The following DIP2C variants were observed in gnomAD, a reference collection of about 807,000 sequenced individuals.
The protein encoded by DIP2C is disco-interacting protein 2 homolog C.
In DIP2C, 33 loss-of-function variants were observed where a neutral mutation model predicts 192.4. That is an observed-to-expected ratio of 0.17 (90% CI 0.13 to 0.23). The LOEUF is 0.23. Ranked by LOEUF, DIP2C falls within the 10% of genes least tolerant of loss-of-function variation. The pLI is 1.00. For synonymous variants in DIP2C, 979 were observed against 864.1 expected (o/e 1.13, Z -2.33); for missense variants, 1,537 against 2,110.1 (o/e 0.73, Z 5.32).
rs555353020 is a variant in DIP2C at position 496,187 on chromosome 10, G to A, written c.86-9657C>T. On this transcript the variant is annotated intron_variant, in intron 1 of 36. Transcript: ENST00000280886. Reference sequence around the variant, plus strand: ...CACAGAACCCACGGTGCCCTCCCATGTACTTAAATCTCTACATTACTCTTA... The same window carrying A: ...CACAGAACCCACGGTGCCCTCCCATATACTTAAATCTCTACATTACTCTTA... Among the ~76,000 whole-genome samples, 11 of 146,302 alleles carry A rather than the reference G, an allele frequency of 7.5e-5. No homozygotes were observed. The South Asian group carries it at 2.0e-3, about 26-fold the overall frequency.
At chr10:472,689 C>T in intron 2 of DIP2C, 140 bp from the exon 3 acceptor site, 1 of 721,768 alleles carries the variant, frequency 1.4e-6, no homozygotes, top group Non-Finnish European at 2.3e-6. Flanking sequence ...TCAGAGCCCA[C>T]AGACAGGAGG....
At chr10:612,556 A>G (rs1463218437) in intron 1 of DIP2C, among the ~76,000 whole-genome samples, 2 of 152,180 alleles carry the variant, frequency 1.3e-5, no homozygotes, top group Non-Finnish European at 2.9e-5. Flanking sequence ...ATTTCAAAAG[A>G]ACAGAGATGC....
chr10:584,336 G>A (rs1850856981), intron 1 of DIP2C, among the ~76,000 whole-genome samples: 1 of 152,062 alleles, frequency 6.6e-6, no homozygotes, highest in Non-Finnish European at 1.5e-5. Flanking sequence ...AAGCATCTGT[G>A]TTTTTAGGAA....
intron 1 of DIP2C, among the ~76,000 whole-genome samples, chr10:580,410 GGTGT>G (rs1213661032): frequency 4.6e-5 from 7 of 150,872 alleles, no homozygotes; most frequent in Admixed American, 2.0e-4. Flanking sequence ...ATACCCATAT[GGTGT>G]ATGTACACAG....
At chr10:384,737 G>A (rs182953743) in intron 14 of DIP2C, 98 bp from the exon 15 acceptor site, 25 of 1,251,194 alleles carry the variant, frequency 2.0e-5, no homozygotes, top group East Asian at 1.6e-4. Context: ...ACGGGCAGGG[G>A]GGAGCTCTCA....
intron 23 of DIP2C, 148 bp from the exon 24 acceptor site, chr10:356,654 A>G: frequency 1.6e-6 from 1 of 627,020 alleles, no homozygotes; most frequent in Non-Finnish European, 2.7e-6. Context: ...AGTTGAAGAC[A>G]TGCATGCTGG....
chr10:588,576 C>G (rs961956707), intron 1 of DIP2C, among the ~76,000 whole-genome samples: 1 of 152,342 alleles, frequency 6.6e-6, no homozygotes, highest in African/African-American at 2.4e-5. Flanking sequence ...AGGACAGTAA[C>G]AGAGGTCCCG....
intron 1 of DIP2C, among the ~76,000 whole-genome samples, chr10:532,660 TATGGGTGTGAGAG>T (rs1847460447): frequency 4.2e-5 from 4 of 94,906 alleles, no homozygotes; most frequent in East Asian, 5.3e-4. Context: ...TGAGAGAGAG[TATGGGTGTGAGAG>T]AGAGTATGGG....
At chr10:486,111 G>C (rs1267542421) in intron 2 of DIP2C, among the ~76,000 whole-genome samples, 2 of 152,166 alleles carry the variant, frequency 1.3e-5, no homozygotes, top group African/African-American at 4.8e-5. Context: ...AGAAGCCTTG[G>C]ATTAAACCAG....
At chr10:337,552 CTGTG>C (rs1237825374) in intron 29 of DIP2C, among the ~76,000 whole-genome samples, 1 of 98,502 alleles carries the variant, frequency 1.0e-5, no homozygotes, top group Non-Finnish European at 2.1e-5. Flanking sequence ...GCCTAGGAAG[CTGTG>C]TGTGTGCTGT....
intron 3 of DIP2C, among the ~76,000 whole-genome samples, chr10:463,658 A>C (rs1235718781): frequency 1.3e-5 from 2 of 152,190 alleles, no homozygotes; most frequent in African/African-American, 2.4e-5. Flanking sequence ...TTTCATATGG[A>C]ACCAAAAAAC....
intron 1 of DIP2C, among the ~76,000 whole-genome samples, chr10:583,431 G>A (rs181318584): frequency 6.6e-5 from 10 of 152,298 alleles, no homozygotes; most frequent in African/African-American, 1.4e-4. Flanking sequence ...GGTCCTTTAC[G>A]GAAGGTTCAC....
chr10:619,410 C>T lies in DIP2C; in HGVS notation c.85+70084G>A, dbSNP rs978729203. Among the ~76,000 whole-genome samples the T allele has an allele frequency of 3.5e-4, 53 of 152,160 alleles. 1 individual carries two copies. Among genetic ancestry groups the T allele is most frequent in the Admixed American group, 2.1e-3 (32 of 15,292 alleles). ...GCCTCCCTCAGCCTCTAGAGGCTTC[C>T]GCATCCCCTGGTCCTTATGGCACCC... On this transcript the variant is annotated intron_variant, in intron 1 of 36. Transcript: ENST00000280886.
At chr10:593,485 A>ACCCCCCCC (rs10563749) in intron 1 of DIP2C, among the ~76,000 whole-genome samples, 112 of 64,206 alleles carry the variant, frequency 1.7e-3, no homozygotes, top group Non-Finnish European at 2.0e-3. Flanking sequence ...CCCACGCGGG[A>ACCCCCCCC]CCCCCCCCCC....
intron 1 of DIP2C, among the ~76,000 whole-genome samples, chr10:533,750 A>C (rs1377769344): frequency 6.6e-6 from 1 of 151,908 alleles, no homozygotes; most frequent in Non-Finnish European, 1.5e-5. Flanking sequence ...GCACACGGAG[A>C]TAAATGCGTA....
intron 18 of DIP2C, among the ~76,000 whole-genome samples, chr10:367,094 G>A (rs930389520): frequency 1.3e-5 from 2 of 152,218 alleles, no homozygotes; most frequent in Admixed American, 1.3e-4. Flanking sequence ...ACAGAACAGT[G>A]GAAACATAAG....
At chr10:564,582 C>T (rs1181802966) in intron 1 of DIP2C, among the ~76,000 whole-genome samples, 2 of 152,026 alleles carry the variant, frequency 1.3e-5, no homozygotes, top group East Asian at 1.9e-4. Flanking sequence ...CCAGGTCTGC[C>T]GCTGGACTCT....
chr10:285,153 C>CA (rs34031685), intron 34 of DIP2C, among the ~76,000 whole-genome samples: 96,701 of 124,466 alleles, frequency 0.78, 37,262 homozygotes, highest in Non-Finnish European at 0.84. Flanking sequence ...AGTGAGGGGC[C>CA]AAAAAAAAAA....
intron 8 of DIP2C, among the ~76,000 whole-genome samples, chr10:411,585 G>A (rs1965189904): frequency 6.6e-6 from 1 of 151,942 alleles, no homozygotes; most frequent in African/African-American, 2.4e-5. Flanking sequence ...GTTACACCAA[G>A]TTACTCAGTA....
Sources: allele counts gnomAD v4.1 joint callset (sites outside exome capture counted in the v4.1 genomes callset), GRCh38; gene constraint gnomAD v4.1.1; transcripts MANE v1.5; gene names NCBI Gene and HGNC (gene_info 2026-07-23, HGNC 2026-07-21).